SHISA4: variants seen among roughly 807,000 people sequenced by gnomAD.
SHISA4 encodes the protein shisa family member 4.
Under a neutral mutation model 24.2 loss-of-function variants are expected in SHISA4, and 16 were observed. That is an observed-to-expected ratio of 0.66 (90% CI 0.45 to 1.00). The LOEUF (loss-of-function observed/expected upper bound fraction) is 1.00, where lower values mean the gene tolerates loss of function less well. SHISA4 is among the 50% of genes least tolerant of loss of function. SHISA4 has a pLI of 0.00. For missense variants in SHISA4, 238 were observed against 258.9 expected (o/e 0.92, Z 0.55); for synonymous variants, 106 against 105.4 (o/e 1.01, Z -0.04).
chr1:201,892,172 T>G lies in SHISA4; in HGVS notation c.*326T>G. On this transcript the variant is annotated 3_prime_UTR_variant, in exon 5 of 5. Transcript: ENST00000362011. ...ATCCCAGCCAGGAAGGCTGGGGCCC[T>G]ACTGTTTGTCCCCTCTGGGCTGGGG... is the stretch of plus-strand genomic sequence containing the variant. The G allele has an allele frequency of 3.8e-6, 1 of 264,292 alleles. No homozygotes were observed. The highest frequency in any genetic ancestry group is 2.6e-5 in the African/African-American group (1 of 38,210). The allele number at this position is 264,292 out of a possible 1,614,324, so 16.4% of individuals were successfully genotyped here.
At position 201,891,989 on chromosome 1, in the gene SHISA4, G is replaced by C. The variant is rs1037292087; in HGVS notation, c.*143G>C. On this transcript the variant is annotated 3_prime_UTR_variant, in exon 5 of 5. Coordinates refer to ENST00000362011, the MANE Select transcript of SHISA4 (RefSeq NM_198149.3). Reference sequence around the variant, plus strand: ...CCAAGCCAAGCCCTGGGCCCTACTGGGGACAGAGCCCCAGGGAAGTGGAAC... The same window carrying C: ...CCAAGCCAAGCCCTGGGCCCTACTGCGGACAGAGCCCCAGGGAAGTGGAAC... The C allele has an allele frequency of 2.2e-6, 2 of 911,826 alleles. No homozygotes were observed. Among genetic ancestry groups the C allele is most frequent in the East Asian group, 2.4e-5 (1 of 41,326 alleles). The allele number at this position is 911,826 out of a possible 1,614,324, so 56.5% of individuals were successfully genotyped here. A position where few individuals can be genotyped will look rare whatever the true frequency, so the allele number is the denominator to read the frequency against.
At chr1:201,889,390 G>A (rs905654218) in intron 1 of SHISA4, 55 bp from the exon 2 acceptor site, 1 of 1,599,294 alleles carries the variant, frequency 6.3e-7, no homozygotes, top group Non-Finnish European at 8.5e-7. Flanking sequence ...GGCCGAGCGC[G>A]GCTGGGGATG....
At position 201,888,948 on chromosome 1, in the gene SHISA4, G is replaced by C; in HGVS notation, c.-47G>C. 7.6e-7 allele frequency: 1 copy of C among 1,311,220 alleles called. No individual in the cohort carries two copies. Among genetic ancestry groups the C allele is most frequent in the Non-Finnish European group, 9.9e-7 (1 of 1,011,386 alleles). 81.2% of individuals were successfully genotyped at this position (1,311,220 alleles called of 1,614,324 possible). On this transcript the variant is annotated 5_prime_UTR_variant, in exon 1 of 5. Coordinates refer to ENST00000362011, the MANE Select transcript of SHISA4 (RefSeq NM_198149.3). ...CTCCAGCTGGCCGGCTTGGTCCTGC[G>C]GTCCCTTCTCTGGGAGGCCCGACCC... is the stretch of plus-strand genomic sequence containing the variant.
upstream of SHISA4, chr1:201,888,714 C>A (rs1681032354): frequency 5.9e-6 from 2 of 336,670 alleles, no homozygotes; most frequent in Admixed American, 4.8e-5. Context: ...GGAACCACCG[C>A]GGAGCCGGGG....
chr1:201,889,037 A>G lies in SHISA4; in HGVS notation c.43A>G (p.Ile15Val). ...CCGCCGGGCCGCGCCGCTCACCGCA[A>G]TCGCTCTGTTGGTGCTGGGGGCTCC... Reference protein sequence around the residue: ...GLRRAAPLTAIALLVLGAPLV... With the variant: ...GLRRAAPLTAVALLVLGAPLV... Residue 15 changes from isoleucine to valine, a missense_variant, in exon 1 of 5, where the codon ATC (isoleucine) becomes GTC (valine). Transcript: ENST00000362011. The G allele has an allele frequency of 2.2e-6, 3 of 1,379,314 alleles. No individual in the cohort carries two copies. The highest frequency in any genetic ancestry group is 2.8e-6 in the Non-Finnish European group (3 of 1,065,994). 85.4% of individuals were successfully genotyped at this position (1,379,314 alleles called of 1,614,324 possible). A position where few individuals can be genotyped will look rare whatever the true frequency, so the allele number is the denominator to read the frequency against.
intron 2 of SHISA4, 70 bp downstream of exon 2, chr1:201,889,686 C>CTAT (rs1361226079): frequency 1.9e-6 from 3 of 1,556,080 alleles, no homozygotes; most frequent in Non-Finnish European, 2.6e-6. Flanking sequence ...CTTCCTCCCT[C>CTAT]CCGGACTCCT....
chr1:201,889,660 T>C (rs1289797656), intron 2 of SHISA4, 44 bp downstream of exon 2: 1 of 1,601,190 alleles, frequency 6.2e-7, no homozygotes, highest in African/African-American at 1.3e-5. Context: ...TCTATCCTTT[T>C]CTCCAGAGGC....
At chr1:201,890,331 C>G (rs1681069886) in intron 2 of SHISA4, 123 bp from the exon 3 acceptor site, 1 of 1,332,652 alleles carries the variant, frequency 7.5e-7, no homozygotes, top group Non-Finnish European at 1.0e-6. Flanking sequence ...GGGCAGAGCC[C>G]CACAAGGAAC....
upstream of SHISA4, chr1:201,888,740 C>T (rs1681033319): frequency 2.8e-6 from 1 of 360,610 alleles, no homozygotes; most frequent in African/African-American, 2.1e-5. Flanking sequence ...GGGAGCAGGG[C>T]AGTGCTCTGC....
intron 1 of SHISA4, 34 bp from the exon 2 acceptor site, chr1:201,889,411 G>A (rs1396470195): frequency 1.7e-5 from 28 of 1,607,310 alleles, no homozygotes; most frequent in African/African-American, 4.0e-5. Context: ...AACTGGCCTG[G>A]TGGCCACTGG....
Position 201,892,133 on chromosome 1 carries a change from C to T in SHISA4, c.*287C>T. On this transcript the variant is annotated 3_prime_UTR_variant, in exon 5 of 5. Coordinates refer to ENST00000362011, the MANE Select transcript of SHISA4 (RefSeq NM_198149.3). ...TCACAGTGCCTGTTTTCAAATAGTC[C>T]CTCTGCTCCCAAGATCCCAGCCAGG... The T allele has an allele frequency of 2.4e-6, 1 of 415,944 alleles. No homozygotes were observed. Among genetic ancestry groups the T allele is most frequent in the Non-Finnish European group, 4.4e-6 (1 of 228,406 alleles). 25.8% of individuals were successfully genotyped at this position (415,944 alleles called of 1,614,324 possible).
chr1:201,888,799 G>A, upstream of SHISA4: 1 of 381,044 alleles, frequency 2.6e-6, no homozygotes, highest in Admixed American at 4.6e-5. Flanking sequence ...TCGCTGGTGG[G>A]TGGACTCCTG....
Position 201,890,463 on chromosome 1 carries a change from C to A in SHISA4, c.255C>A (p.Thr85=), listed in dbSNP as rs773162868. ...QKHCLAFSPK[T]IAGIASAVIL... ...TGTTCTTTGTCTAAAGCCCCAAGACCATAGCAGGCATCGCCTCAGCTGTGA... is the reference window on the plus strand; with the variant it reads ...TGTTCTTTGTCTAAAGCCCCAAGACAATAGCAGGCATCGCCTCAGCTGTGA... Residue 85 remains threonine (T), a synonymous_variant, in exon 3 of 5, where the codon ACC becomes ACA. Coordinates refer to ENST00000362011, the MANE Select transcript of SHISA4 (RefSeq NM_198149.3). 2.5e-6 allele frequency: 4 copies of A among 1,614,096 alleles called. No individual in the cohort carries two copies. In the Admixed American group the frequency reaches 6.7e-5, roughly 27 times the overall value.
At chr1:201,889,422 G>A (rs1435735201) in intron 1 of SHISA4, 23 bp from the exon 2 acceptor site, 1 of 1,609,210 alleles carries the variant, frequency 6.2e-7, no homozygotes, top group Admixed American at 1.7e-5. Flanking sequence ...TGGCCACTGG[G>A]CACCCCCAAT....
At position 201,889,515 on chromosome 1, in the gene SHISA4, GTTCTTCA is replaced by G; in HGVS notation, c.145_151del (p.Phe49ProfsTer16). 1 of 1,614,050 alleles carries G rather than the reference GTTCTTCA, an allele frequency of 6.2e-7. No individual in the cohort carries two copies. The highest frequency in any genetic ancestry group is 8.5e-7 in the Non-Finnish European group (1 of 1,180,026). Reference sequence around the variant, plus strand: ...CCTGGCATCCGGGGTTTAACTGCGAGTTCTTCACCTTCTGCTGCGGGACCTGCTACCA... The same window carrying G: ...CCTGGCATCCGGGGTTTAACTGCGAGCCTTCTGCTGCGGGACCTGCTACCA... On this transcript the variant is annotated frameshift_variant, in exon 2 of 5. Coordinates refer to ENST00000362011, the MANE Select transcript of SHISA4 (RefSeq NM_198149.3). LOFTEE classifies it high-confidence loss of function.
Position 201,888,940 on chromosome 1 carries a change from G to C in SHISA4, c.-55G>C. ...CGCCGCAGCTCCAGCTGGCCGGCTT[G>C]GTCCTGCGGTCCCTTCTCTGGGAGG... is the stretch of plus-strand genomic sequence containing the variant. On this transcript the variant is annotated 5_prime_UTR_variant, in exon 1 of 5. Transcript: ENST00000362011. 8.1e-7 allele frequency: 1 copy of C among 1,228,322 alleles called. No homozygotes were observed. Among genetic ancestry groups the C allele is most frequent in the Non-Finnish European group, 1.1e-6 (1 of 950,104 alleles). 76.1% of individuals were successfully genotyped at this position (1,228,322 alleles called of 1,614,324 possible).
intron 4 of SHISA4, 25 bp downstream of exon 4, chr1:201,891,593 T>G: frequency 6.3e-7 from 1 of 1,592,760 alleles, no homozygotes; most frequent in African/African-American, 1.3e-5. Flanking sequence ...TGGAGCCCCT[T>G]GCTGCTGCCT....
chr1:201,890,937 G>A (rs1367390607), intron 3 of SHISA4, among the ~76,000 whole-genome samples: 1 of 152,212 alleles, frequency 6.6e-6, no homozygotes, highest in Non-Finnish European at 1.5e-5. Flanking sequence ...TTAATTGAGT[G>A]TGCTCCAGTG....
At chr1:201,889,273 T>A in intron 1 of SHISA4, 172 bp from the exon 2 acceptor site, 1 of 1,005,706 alleles carries the variant, frequency 9.9e-7, no homozygotes. Flanking sequence ...CAGGGTCAGC[T>A]TCAGGCAGAG....
Sources: gnomAD v4.1 joint callset for allele counts (sites outside exome capture counted in the v4.1 genomes callset) on GRCh38, gnomAD v4.1.1 for gene constraint, MANE v1.5 for transcripts, NCBI Gene and HGNC (gene_info 2026-07-23, HGNC 2026-07-21) for gene names.